The following GPR158 variants were observed in gnomAD, a reference collection of about 807,000 sequenced individuals.
GPR158 encodes the protein G protein-coupled receptor 158.
Under a neutral mutation model 78.2 loss-of-function variants are expected in GPR158, and 30 were observed. The observed-to-expected ratio is 0.38, with a 90% CI of 0.29 to 0.52. The LOEUF is 0.52. Ranked by LOEUF, GPR158 falls within the 20% of genes least tolerant of loss-of-function variation. The probability of loss-of-function intolerance (pLI) is 0.83; values close to 1 mark genes in which losing one functional copy is unlikely to be tolerated. For missense variants in GPR158, 1,463 were observed against 1,523.5 expected, an observed-to-expected ratio of 0.96 and a Z score of 0.66; for synonymous variants, 581 against 591.1, an observed-to-expected ratio of 0.98 and a Z score of 0.25.
chr10:25,298,245 T>A (rs1206822995), intron 2 of GPR158, among the ~76,000 whole-genome samples: 1 of 152,198 alleles, frequency 6.6e-6, no homozygotes, highest in Non-Finnish European at 1.5e-5. Flanking sequence ...ATTCTTGTTT[T>A]CGTATTTTAT....
At chr10:25,308,728 C>G (rs191894339) in intron 2 of GPR158, among the ~76,000 whole-genome samples, 2 of 152,266 alleles carry the variant, frequency 1.3e-5, no homozygotes, top group East Asian at 3.9e-4. Context: ...TCCCCTCCCC[C>G]ATCCCCTAAA....
At chr10:25,274,003 A>G (rs1588769684) in intron 2 of GPR158, among the ~76,000 whole-genome samples, 1 of 152,096 alleles carries the variant, frequency 6.6e-6, no homozygotes, top group East Asian at 1.9e-4. Context: ...TTTGCGAGAC[A>G]TGGTTTTTCT....
intron 2 of GPR158, among the ~76,000 whole-genome samples, chr10:25,353,037 G>A (rs184267498): frequency 0.011 from 1,718 of 152,020 alleles, 8 homozygotes; most frequent in Non-Finnish European, 0.016. Context: ...ATATTCCTTG[G>A]TATCCTTAAT....
intron 9 of GPR158, 126 bp downstream of exon 9, chr10:25,594,523 C>T: frequency 2.1e-6 from 1 of 478,970 alleles, no homozygotes; most frequent in Non-Finnish European, 3.7e-6. Context: ...AAAGCTCCCT[C>T]CTCAGGAAAC....
chr10:25,574,613 G>A (rs750526043), intron 7 of GPR158, among the ~76,000 whole-genome samples: 3 of 152,126 alleles, frequency 2.0e-5, no homozygotes, highest in Non-Finnish European at 4.4e-5. Context: ...AGGTCTGGGC[G>A]TGGTGACTCA....
intron 2 of GPR158, among the ~76,000 whole-genome samples, chr10:25,268,337 T>C (rs1166850296): frequency 6.6e-6 from 1 of 152,168 alleles, no homozygotes; most frequent in Non-Finnish European, 1.5e-5. Flanking sequence ...CGTGCCTGGA[T>C]AAACTTTAGT....
chr10:25,313,626 T>C (rs7896844), intron 2 of GPR158, among the ~76,000 whole-genome samples: 30,748 of 152,070 alleles, frequency 0.2, 5,246 homozygotes, highest in African/African-American at 0.47. Context: ...GATGTTTTGC[T>C]ATATTTTATT....
At chr10:25,213,877 C>A (rs900206424) in intron 1 of GPR158, among the ~76,000 whole-genome samples, 2 of 152,102 alleles carry the variant, frequency 1.3e-5, no homozygotes, top group African/African-American at 4.8e-5. Flanking sequence ...TGTTAGAGAG[C>A]AATTTATCCT....
At chr10:25,536,157 A>G (rs1398703693) in intron 5 of GPR158, among the ~76,000 whole-genome samples, 1 of 152,170 alleles carries the variant, frequency 6.6e-6, no homozygotes, top group African/African-American at 2.4e-5. Context: ...TAGGTAGCTC[A>G]TATATTTGTA....
Position 25,254,289 on chromosome 10 carries a change from G to A in GPR158, c.1008+33132G>A, listed in dbSNP as rs151223054. 3.3e-3 allele frequency among the ~76,000 whole-genome samples: 501 copies of A among 152,086 alleles called. 5 individuals are homozygous for A. Among genetic ancestry groups the A allele is most frequent in the African/African-American group, 0.012 (487 of 41,502 alleles). ...TTGATAAAAGTGTTTTTTCTTCATG[G>A]CAAAACAGGACAAATAGATTTGCAA... On this transcript the variant is annotated intron_variant, in intron 2 of 10. Transcript: ENST00000376351.
intron 5 of GPR158, among the ~76,000 whole-genome samples, chr10:25,487,080 A>C (rs773930322): frequency 6.6e-5 from 10 of 152,116 alleles, no homozygotes; most frequent in Non-Finnish European, 1.3e-4. Flanking sequence ...GATATAACAG[A>C]TTCACAGGTT....
intron 2 of GPR158, among the ~76,000 whole-genome samples, chr10:25,368,350 C>A (rs538697767): frequency 6.6e-6 from 1 of 151,732 alleles, no homozygotes; most frequent in East Asian, 2.0e-4. Context: ...ATGCATTTGA[C>A]AAAGATCTTA....
At chr10:25,448,186 GC>G (rs1835164040) in intron 4 of GPR158, among the ~76,000 whole-genome samples, 1 of 149,648 alleles carries the variant, frequency 6.7e-6, no homozygotes, top group Non-Finnish European at 1.5e-5. Context: ...CCAGGTTCAC[GC>G]CATTCTCCTG....
chr10:25,210,934 C>G (rs558535688), intron 1 of GPR158, among the ~76,000 whole-genome samples: 1 of 152,158 alleles, frequency 6.6e-6, no homozygotes, highest in Admixed American at 6.5e-5. Flanking sequence ...GAGATTGAGA[C>G]CATCCTGGCC....
intron 9 of GPR158, among the ~76,000 whole-genome samples, 195 bp downstream of exon 9, chr10:25,594,592 TGTAC>T (rs1837378309): frequency 6.6e-6 from 1 of 152,126 alleles, no homozygotes; most frequent in African/African-American, 2.4e-5. Context: ...TGCCTTTGTT[TGTAC>T]AAAAACCCAT....
chr10:25,299,471 A>G (rs1285113388), intron 2 of GPR158, among the ~76,000 whole-genome samples: 1 of 152,168 alleles, frequency 6.6e-6, no homozygotes, highest in African/African-American at 2.4e-5. Context: ...TAGATTCCAC[A>G]TATAAGTGAA....
chr10:25,189,623 CAG>C (rs1451718121), intron 1 of GPR158, among the ~76,000 whole-genome samples: 1 of 150,942 alleles, frequency 6.6e-6, no homozygotes, highest in Non-Finnish European at 1.5e-5. Flanking sequence ...ACATCACACA[CAG>C]GGGCCTGTCG....
rs1837437916 is a variant in GPR158 at position 25,598,220 on chromosome 10, G to T, written c.2594G>T (p.Ser865Ile). 6.2e-7 allele frequency: 1 copy of T among 1,614,004 alleles called. No individual in the cohort carries two copies. The highest frequency in any genetic ancestry group is 1.7e-5 in the Admixed American group (1 of 60,000). Residue 865 changes from serine (S) to isoleucine (I), a missense_variant, in exon 11 of 11, where the codon AGC becomes ATC. By Grantham distance (142) the Ser-to-Ile change is moderately radical. Transcript: ENST00000376351. ...KKLTQKLKEDSEAESTESVPL... is the reference protein window; with the variant it reads ...KKLTQKLKEDIEAESTESVPL... The stretch of plus-strand genomic sequence containing the variant: ...CTAACACAAAAACTAAAAGAAGACA[G>T]CGAGGCTGAGTCCACGGAGTCGGTG...
At chr10:25,367,290 C>T (rs1266551902) in intron 2 of GPR158, among the ~76,000 whole-genome samples, 1 of 151,548 alleles carries the variant, frequency 6.6e-6, no homozygotes, top group African/African-American at 2.4e-5. Flanking sequence ...CATCATCACT[C>T]CTTGGGTACA....
Sources: allele counts gnomAD v4.1 joint callset (sites outside exome capture counted in the v4.1 genomes callset), GRCh38; gene constraint gnomAD v4.1.1; transcripts MANE v1.5; gene names NCBI Gene and HGNC (gene_info 2026-07-23, HGNC 2026-07-21).